Variants in SMTNL1 observed in about 807,000 individuals in gnomAD.
SMTNL1 encodes the protein smoothelin-like protein 1.
In SMTNL1, 41 loss-of-function variants were observed where a neutral mutation model predicts 46.6. The ratio of observed to expected loss-of-function variants is 0.88; its 90% CI spans 0.69 to 1.14. The LOEUF (loss-of-function observed/expected upper bound fraction) is 1.14, where lower values mean the gene tolerates loss of function less well. Among genes scored for constraint, SMTNL1 ranks in the 50% most tolerant of loss-of-function variants. The pLI is 0.00. For missense variants in SMTNL1, 591 were observed against 626.1 expected (o/e 0.94, Z 0.60); for synonymous variants, 234 against 234.2 (o/e 1.00, Z 0.01).
intron 7 of SMTNL1, 28 bp downstream of exon 7, chr11:57,546,680 C>G: frequency 6.2e-7 from 1 of 1,607,116 alleles, no homozygotes; most frequent in Non-Finnish European, 8.5e-7. Context: ...GCTGGCAGAG[C>G]TGGATGGGAG....
Position 57,542,875 on chromosome 11 carries a change from T to A in SMTNL1, c.233T>A (p.Val78Glu). Reference sequence around the variant, plus strand: ...GCAAATGGATTAGATGAGGTCAAAGTGGAATCTCAGAGGGAGGCTGGTGGG... The same window carrying A: ...GCAAATGGATTAGATGAGGTCAAAGAGGAATCTCAGAGGGAGGCTGGTGGG... ...GEANGLDEVKVESQREAGGKE... is the reference protein window; with the variant it reads ...GEANGLDEVKEESQREAGGKE... The change falls in exon 2 of 8, where the codon GTG becomes GAG. Residue 78 changes from valine (V) to glutamate (E), a missense_variant. By Grantham distance (121) the Val-to-Glu change is moderately radical. Transcript: ENST00000527972. 1 of 1,611,850 alleles carries A rather than the reference T, an allele frequency of 6.2e-7. No homozygotes were observed.
Position 57,543,701 on chromosome 11 carries a change from C to T in SMTNL1, c.810C>T (p.Ser270=). 1 of 1,584,184 alleles carries T rather than the reference C, an allele frequency of 6.3e-7. No homozygotes were observed. Among genetic ancestry groups the T allele is most frequent in the Non-Finnish European group, 8.6e-7 (1 of 1,165,352 alleles). The change falls in exon 3 of 8, where the codon AGC becomes AGT. Residue 270 remains serine, a synonymous_variant. Transcript: ENST00000527972. ...AGGGAGGGGCAGGGGTGATTCCCAG[C>T]TCCCCAGAGGAGTGGCCTGAGAGCC... ...EPEGGAGVIP[S]SPEEWPESPT...
chr11:57,545,810 A>C, intron 4 of SMTNL1, 71 bp from the exon 5 acceptor site: 417 of 685,926 alleles, frequency 6.1e-4, no homozygotes, highest in South Asian at 1.3e-3. Flanking sequence ...CTCCAGCCCC[A>C]CAGCCCCCTC....
At chr11:57,543,410 C>A in intron 2 of SMTNL1, 36 bp downstream of exon 2, 1 of 1,591,604 alleles carries the variant, frequency 6.3e-7, no homozygotes, top group Non-Finnish European at 8.6e-7. Flanking sequence ...GAGGCTCTGT[C>A]GTCTCCTGCT....
At position 57,543,720 on chromosome 11, in the gene SMTNL1, G is replaced by C; in HGVS notation, c.829G>C (p.Glu277Gln). 6.4e-7 allele frequency: 1 copy of C among 1,571,082 alleles called. No individual in the cohort carries two copies. The highest frequency in any genetic ancestry group is 8.6e-7 in the Non-Finnish European group (1 of 1,158,228). Residue 277 changes from glutamate to glutamine, a missense_variant, in exon 3 of 8, where the codon GAG (glutamate) becomes CAG (glutamine). Physicochemically the swap from Glu to Gln is conservative, Grantham distance 29. Transcript: ENST00000527972. The part of the protein sequence containing the change: ...VIPSSPEEWP[E>Q]SPTGEGHNLS... ...TCCCAGCTCCCCAGAGGAGTGGCCT[G>C]AGAGCCCCACTGGGGAGGGGCACAA...
intron 1 of SMTNL1, among the ~76,000 whole-genome samples, chr11:57,539,840 T>C (rs1156971374): frequency 6.6e-6 from 1 of 152,202 alleles, no homozygotes; most frequent in East Asian, 1.9e-4. Context: ...GGACCTATTG[T>C]TGTCTGCAGA....
chr11:57,545,883 AGTCTTCACCCAGC>A lies in SMTNL1; in HGVS notation c.922_934del (p.Ser308ThrfsTer80), dbSNP rs1313124864. 2 of 1,612,170 alleles carry A rather than the reference AGTCTTCACCCAGC, an allele frequency of 1.2e-6. No individual in the cohort carries two copies. The highest frequency in any genetic ancestry group is 3.4e-5 in the Admixed American group (2 of 59,658). On this transcript the variant is annotated frameshift_variant, in exon 5 of 8. Transcript: ENST00000527972. LOFTEE classifies it high-confidence loss of function. ...CGTCTTTGGACTTCTCCATATAGTGAGTCTTCACCCAGCGACGTGCCCCAGAGTCCCCCTGAGT... is the reference window on the plus strand; with the variant it reads ...CGTCTTTGGACTTCTCCATATAGTGAGACGTGCCCCAGAGTCCCCCTGAGT...
At position 57,546,497 on chromosome 11, in the gene SMTNL1, A is replaced by G. The variant is rs1190748641; in HGVS notation, c.1189-4A>G. The G allele has an allele frequency of 5.6e-6, 9 of 1,614,018 alleles. No homozygotes were observed. The highest frequency in any genetic ancestry group is 2.7e-5 in the African/African-American group (2 of 74,948). ...AGGCCTCCTCTGTGCCCTGCCTGCC[A>G]TAGCATGTGGACATCCAGAACTTCT... On this transcript the variant is annotated splice_polypyrimidine_tract_variant and splice_region_variant and intron_variant, in intron 6 of 7. Transcript: ENST00000527972.
At chr11:57,537,972 A>G (rs1590799618) in intron 1 of SMTNL1, among the ~76,000 whole-genome samples, 1 of 151,982 alleles carries the variant, frequency 6.6e-6, no homozygotes, top group African/African-American at 2.4e-5. Context: ...CCTGTGGCCC[A>G]GGATGGCTTT....
In SMTNL1 at chr11:57,546,185, T is replaced by C. The variant is rs529837033; in HGVS notation, c.1074-48T>C. Reference sequence around the variant, plus strand: ...GGGATCCTCCCAGTGGGGCCCTTCATGGCCTCCTGCCTCTCTGGCTTGGCC... The same window carrying C: ...GGGATCCTCCCAGTGGGGCCCTTCACGGCCTCCTGCCTCTCTGGCTTGGCC... On this transcript the variant is annotated intron_variant, in intron 5 of 7. Transcript: ENST00000527972. 1.7e-5 allele frequency: 26 copies of C among 1,534,284 alleles called. No individual in the cohort carries two copies. The Admixed American group carries it at 4.9e-4, about 29-fold the overall frequency.
chr11:57,547,685 C>T (rs552489786), intron 7 of SMTNL1, among the ~76,000 whole-genome samples: 27 of 152,356 alleles, frequency 1.8e-4, no homozygotes, highest in East Asian at 1.4e-3. Context: ...TCCCCACCCA[C>T]GCCCCAGGCT....
In SMTNL1 at chr11:57,543,321, G is replaced by T; in HGVS notation, c.679G>T (p.Gly227Cys). 1 of 1,613,954 alleles carries T rather than the reference G, an allele frequency of 6.2e-7. No homozygotes were observed. Residue 227 changes from glycine to cysteine, a missense_variant, in exon 2 of 8, where the codon GGT becomes TGT. Coordinates refer to ENST00000527972, the MANE Select transcript of SMTNL1 (RefSeq NM_001105565.3). ...CGATGGGAAAGAGGAGGCCAAACAT[G>T]GTGCAAAAGAGGAGGCTGATGCAAA... ...EPDGKEEAKH[G>C]AKEEADAKEE...
At chr11:57,548,833 G>T (rs1252396849) in intron 7 of SMTNL1, among the ~76,000 whole-genome samples, 1 of 152,018 alleles carries the variant, frequency 6.6e-6, no homozygotes, top group South Asian at 2.1e-4. Context: ...CCTGCCACAA[G>T]AATTTCTATG....
In SMTNL1 at chr11:57,545,998, G is replaced by T. The variant is rs774150143; in HGVS notation, c.1035G>T (p.Arg345=). The part of the protein sequence containing the change: ...VSAPARPRGP[R]AQNRKAIVDK... The stretch of plus-strand genomic sequence containing the variant: ...CCCCTGCTCGGCCCCGGGGGCCCCG[G>T]GCACAGAACCGCAAAGCCATCGTGG... The change falls in exon 5 of 8, where the codon CGG becomes CGT. Residue 345 remains arginine, a synonymous_variant. Transcript: ENST00000527972. 6.2e-7 allele frequency: 1 copy of T among 1,601,928 alleles called. No individual in the cohort carries two copies. The highest frequency in any genetic ancestry group is 2.2e-5 in the East Asian group (1 of 44,754).
At chr11:57,549,946 C>A in intron 7 of SMTNL1, 22 bp from the exon 8 acceptor site, 1 of 1,613,162 alleles carries the variant, frequency 6.2e-7, no homozygotes, top group Non-Finnish European at 8.5e-7. Flanking sequence ...CCTTCTGCTC[C>A]TCATTCCACC....
At chr11:57,541,792 T>A (rs926202001) in intron 1 of SMTNL1, among the ~76,000 whole-genome samples, 1 of 152,192 alleles carries the variant, frequency 6.6e-6, no homozygotes, top group African/African-American at 2.4e-5. Flanking sequence ...GTAAATGTAT[T>A]TTTAAAAGAC....
chr11:57,543,208 C>T lies in SMTNL1; in HGVS notation c.566C>T (p.Pro189Leu), dbSNP rs781323828. 6.2e-7 allele frequency: 1 copy of T among 1,613,670 alleles called. No individual in the cohort carries two copies. Among genetic ancestry groups the T allele is most frequent in the Admixed American group, 1.7e-5 (1 of 59,994 alleles). Residue 189 changes from proline to leucine, a missense_variant, in exon 2 of 8, where the codon CCC becomes CTC. Coordinates refer to ENST00000527972, the MANE Select transcript of SMTNL1 (RefSeq NM_001105565.3). ...CAGAGGAAAGAGTGCAGCACTGAACCCAAGGAGAAGGCTACTGATGAAGAG... is the reference window on the plus strand; with the variant it reads ...CAGAGGAAAGAGTGCAGCACTGAACTCAAGGAGAAGGCTACTGATGAAGAG... ...TGQRKECSTEPKEKATDEEAK... is the reference protein window; with the variant it reads ...TGQRKECSTELKEKATDEEAK...
intron 1 of SMTNL1, among the ~76,000 whole-genome samples, chr11:57,541,145 G>A (rs1944873541): frequency 6.6e-6 from 1 of 152,168 alleles, no homozygotes; most frequent in Non-Finnish European, 1.5e-5. Flanking sequence ...TCGAATTCAG[G>A]AACCCCAGGA....
chr11:57,546,885 C>G (rs1483489031), intron 7 of SMTNL1, among the ~76,000 whole-genome samples: 1 of 152,182 alleles, frequency 6.6e-6, no homozygotes, highest in African/African-American at 2.4e-5. Context: ...ATAATCCCAG[C>G]ACTCTGGGAG....
Sources: gnomAD v4.1 joint callset for allele counts (sites outside exome capture counted in the v4.1 genomes callset) on GRCh38, gnomAD v4.1.1 for gene constraint, MANE v1.5 for transcripts, NCBI Gene and HGNC (gene_info 2026-07-23, HGNC 2026-07-21) for gene names.